Variants in SLAIN2 observed in about 807,000 individuals in gnomAD.
SLAIN2 encodes the protein SLAIN family member 2, also known as SLAIN motif-containing protein 2.
Under a neutral mutation model 56.6 loss-of-function variants are expected in SLAIN2, and 31 were observed. The observed-to-expected ratio is 0.55, with a 90% CI of 0.41 to 0.74. The LOEUF (loss-of-function observed/expected upper bound fraction) is 0.74. Ranked by LOEUF, SLAIN2 falls within the 30% of genes least tolerant of loss-of-function variation. SLAIN2 has a pLI of 0.00. For synonymous variants in SLAIN2, 317 were observed against 284.9 expected (o/e 1.11, Z -1.13); for missense variants, 777 against 754.2 (o/e 1.03, Z -0.35).
At chr4:48,389,564 A>G (rs1470626460) in intron 6 of SLAIN2, among the ~76,000 whole-genome samples, 2 of 152,222 alleles carry the variant, frequency 1.3e-5, no homozygotes, top group Non-Finnish European at 2.9e-5. Flanking sequence ...AACAGAGGAG[A>G]GGCATTAAAT....
At position 48,388,707 on chromosome 4, in the gene SLAIN2, T is replaced by G. The variant is rs139079869; in HGVS notation, c.1360+4923T>G. On this transcript the variant is annotated intron_variant, in intron 6 of 7. Coordinates refer to ENST00000264313, the MANE Select transcript of SLAIN2 (RefSeq NM_020846.2). ...CCTCTTCCTCATTGTTTGGATGAGA[T>G]CATGCTGACCTAATTACAAATGAGT... Among the ~76,000 whole-genome samples, 909 of 152,360 alleles carry G rather than the reference T, an allele frequency of 6.0e-3. 12 individuals are homozygous for G. The highest frequency in any genetic ancestry group is 0.01 in the Middle Eastern group (3 of 294).
At chr4:48,412,420 C>CCT (rs71191222) in intron 6 of SLAIN2, among the ~76,000 whole-genome samples, 33 of 136,962 alleles carry the variant, frequency 2.4e-4, no homozygotes, top group South Asian at 1.8e-3. Context: ...ACACACATTC[C>CCT]CTCTCTCTCT....
At position 48,422,971 on chromosome 4, in the gene SLAIN2, A is replaced by G. The variant is rs575949140; in HGVS notation, c.*894A>G. On this transcript the variant is annotated 3_prime_UTR_variant, in exon 8 of 8. Transcript: ENST00000264313. ...TAGCAGGTTTTCATGATAGGAAAGAACAAGTAGTGTGTGTCTTTATTCTTG... is the reference window on the plus strand; with the variant it reads ...TAGCAGGTTTTCATGATAGGAAAGAGCAAGTAGTGTGTGTCTTTATTCTTG... 3 of 152,336 alleles carry G rather than the reference A, an allele frequency of 2.0e-5. No homozygotes were observed. The highest frequency in any genetic ancestry group is 4.4e-5 in the Non-Finnish European group (3 of 68,028). The allele number at this position is 152,336 out of a possible 1,614,324, so 9.4% of individuals were successfully genotyped here. A position where few individuals can be genotyped will look rare whatever the true frequency, so the allele number is the denominator to read the frequency against.
intron 6 of SLAIN2, among the ~76,000 whole-genome samples, chr4:48,418,168 CT>C (rs531197622): frequency 0.033 from 4,749 of 143,498 alleles, 86 homozygotes; most frequent in Admixed American, 0.051. Flanking sequence ...CCCTCTTCTT[CT>C]TTTTTTTTTT....
At chr4:48,392,122 A>T (rs1156756049) in intron 6 of SLAIN2, among the ~76,000 whole-genome samples, 1 of 152,224 alleles carries the variant, frequency 6.6e-6, no homozygotes, top group Non-Finnish European at 1.5e-5. Context: ...TTAGAAAACT[A>T]ATCAAATTAA....
intron 1 of SLAIN2, among the ~76,000 whole-genome samples, chr4:48,345,105 A>G (rs1236277046): frequency 6.6e-6 from 1 of 152,226 alleles, no homozygotes; most frequent in African/African-American, 2.4e-5. Context: ...CAAGCATCAA[A>G]TAATGCGCAC....
intron 6 of SLAIN2, among the ~76,000 whole-genome samples, chr4:48,391,689 T>G (rs1033127165): frequency 3.9e-5 from 6 of 152,140 alleles, no homozygotes; most frequent in Admixed American, 3.9e-4. Flanking sequence ...AAACACTGAT[T>G]GGAATTCCAG....
At chr4:48,348,249 C>T (rs977889705) in intron 1 of SLAIN2, among the ~76,000 whole-genome samples, 3 of 145,322 alleles carry the variant, frequency 2.1e-5, no homozygotes, top group Non-Finnish European at 3.1e-5. Flanking sequence ...ATATGCACTA[C>T]CCTAAAAAAA....
intron 6 of SLAIN2, among the ~76,000 whole-genome samples, chr4:48,386,090 G>GA (rs763740224): frequency 0.014 from 1,072 of 76,808 alleles, 8 homozygotes; most frequent in Middle Eastern, 0.062. Context: ...TCTATTGAAA[G>GA]AAAAAAAAAA....
intron 6 of SLAIN2, among the ~76,000 whole-genome samples, chr4:48,389,667 G>T (rs147543259): frequency 6.6e-6 from 1 of 152,172 alleles, no homozygotes; most frequent in African/African-American, 2.4e-5. Context: ...AAAGAAAGGA[G>T]ATATAGGTTT....
intron 6 of SLAIN2, among the ~76,000 whole-genome samples, chr4:48,396,347 A>G (rs770451352): frequency 3.4e-4 from 51 of 152,158 alleles, no homozygotes; most frequent in Non-Finnish European, 6.0e-4. Context: ...CCAGACTTCT[A>G]TATTTTCTGA....
chr4:48,365,032 C>T (rs1256420221), intron 1 of SLAIN2, among the ~76,000 whole-genome samples: 1 of 152,058 alleles, frequency 6.6e-6, no homozygotes, highest in African/African-American at 2.4e-5. Flanking sequence ...ATTTTATTAG[C>T]ATTAGGTTGT....
chr4:48,414,878 G>T, intron 6 of SLAIN2, among the ~76,000 whole-genome samples: 1 of 16,448 alleles, frequency 6.1e-5, no homozygotes, highest in African/African-American at 2.7e-4. Flanking sequence ...TCCCTACAAA[G>T]GATATGAACT....
intron 6 of SLAIN2, among the ~76,000 whole-genome samples, chr4:48,409,228 A>G (rs1024368722): frequency 2.0e-5 from 3 of 152,188 alleles, no homozygotes; most frequent in Admixed American, 6.5e-5. Context: ...AGAATATACA[A>G]TTAAGTTATT....
At chr4:48,389,274 C>A (rs1026320720) in intron 6 of SLAIN2, among the ~76,000 whole-genome samples, 19 of 152,008 alleles carry the variant, frequency 1.2e-4, no homozygotes, top group Admixed American at 1.1e-3. Flanking sequence ...GATTGAATGC[C>A]CTTGGGATAG....
intron 6 of SLAIN2, among the ~76,000 whole-genome samples, chr4:48,404,088 A>G (rs1260685410): frequency 6.6e-6 from 1 of 152,104 alleles, no homozygotes; most frequent in Non-Finnish European, 1.5e-5. Context: ...CATGGGGTCA[A>G]GCTGTTCGCC....
chr4:48,386,143 T>G (rs1351245864), intron 6 of SLAIN2, among the ~76,000 whole-genome samples: 2 of 151,590 alleles, frequency 1.3e-5, no homozygotes, highest in African/African-American at 4.8e-5. Context: ...TCAAAATGAC[T>G]TCTGTGATAT....
chr4:48,364,127 T>C, intron 1 of SLAIN2, among the ~76,000 whole-genome samples: 1 of 51,232 alleles, frequency 2.0e-5, no homozygotes, highest in Non-Finnish European at 4.2e-5. Context: ...GACGGGGTGG[T>C]TGCCAGGCAG....
intron 5 of SLAIN2, 32 bp from the exon 6 acceptor site, chr4:48,383,615 A>G (rs1318653653): frequency 4.1e-6 from 6 of 1,475,868 alleles, no homozygotes; most frequent in Non-Finnish European, 5.4e-6. Context: ...CTGAAAGAAT[A>G]TGATTTTTTT....
Sources: gnomAD v4.1 joint callset for allele counts (sites outside exome capture counted in the v4.1 genomes callset) on GRCh38, gnomAD v4.1.1 for gene constraint, MANE v1.5 for transcripts, NCBI Gene and HGNC (gene_info 2026-07-23, HGNC 2026-07-21) for gene names.